The following DLC1 variants were observed in gnomAD, a reference collection of about 807,000 sequenced individuals.
The protein encoded by DLC1 is rho GTPase-activating protein 7.
DLC1 carries 54 observed loss-of-function variants against 140.3 expected under a neutral mutation model. That is an observed-to-expected ratio of 0.38 (90% CI 0.31 to 0.48). The LOEUF is 0.48. DLC1 is among the 20% of genes least tolerant of loss of function. DLC1 has a pLI of 0.96. For synonymous variants in DLC1, 986 were observed against 728.1 expected (o/e 1.35, Z -5.70); for missense variants, 2,536 against 1,907.0 (o/e 1.33, Z -6.14).
chr8:13,174,074 C>G (rs1825634413), intron 5 of DLC1, among the ~76,000 whole-genome samples: 1 of 152,002 alleles, frequency 6.6e-6, no homozygotes, highest in African/African-American at 2.4e-5. Context: ...CCACATGTAC[C>G]CAATGTTTAG....
rs143161954 is a variant in DLC1, at chr8:13,100,380, T to G, written c.1957A>C (p.Met653Leu). Reference protein sequence around the residue: ...PKELSSFSFSMKGHEKTAKSK... With the variant: ...PKELSSFSFSLKGHEKTAKSK... ...TTGGCAGTTTTTTCGTGGCCTTTCA[T>G]GCTGAAGCTGAAGCTGGACAGTTCC... is the stretch of plus-strand genomic sequence containing the variant. The change falls in exon 9 of 18, where the codon ATG (methionine) becomes CTG (leucine). Residue 653 changes from methionine to leucine, a missense_variant. Met to Leu is a conservative substitution (Grantham distance 15). Transcript: ENST00000276297. 1.9e-6 allele frequency: 3 copies of G among 1,614,092 alleles called. No homozygotes were observed. Among genetic ancestry groups the G allele is most frequent in the Non-Finnish European group, 2.5e-6 (3 of 1,180,046 alleles).
chr8:13,100,282 T>C lies in DLC1; in HGVS notation c.2055A>G (p.Lys685=). The C allele has an allele frequency of 6.2e-7, 1 of 1,614,138 alleles. No individual in the cohort carries two copies. The highest frequency in any genetic ancestry group is 8.5e-7 in the Non-Finnish European group (1 of 1,180,040). Reference sequence around the variant, plus strand: ...TGATCAACCCCAGCTTTGAGGGCGCTTTGTGCTTGCTGTGATGGGAGCTCT... The same window carrying C: ...TGATCAACCCCAGCTTTGAGGGCGCCTTGTGCTTGCTGTGATGGGAGCTCT... ...KLKSSHHSKH[K]APSKLGLIIS... is the part of the protein sequence containing the mutation. Residue 685 remains lysine (K), a synonymous_variant, in exon 9 of 18, where the codon AAA becomes AAG. Coordinates refer to ENST00000276297, the MANE Select transcript of DLC1 (RefSeq NM_182643.3).
At chr8:13,264,024 T>C (rs1390362936) in intron 5 of DLC1, among the ~76,000 whole-genome samples, 1 of 146,572 alleles carries the variant, frequency 6.8e-6, no homozygotes, top group Admixed American at 6.8e-5. Flanking sequence ...AGGGCATATT[T>C]GTATGACAGC....
At chr8:13,393,520 C>G (rs770381073) in intron 4 of DLC1, 33 bp downstream of exon 4, 6 of 1,599,548 alleles carry the variant, frequency 3.8e-6, no homozygotes, top group Non-Finnish European at 5.1e-6. Context: ...AACATTTACA[C>G]GTAGAGACTC....
intron 2 of DLC1, among the ~76,000 whole-genome samples, chr8:13,469,903 G>C (rs1190162758): frequency 6.6e-6 from 1 of 152,114 alleles, no homozygotes; most frequent in African/African-American, 2.4e-5. Flanking sequence ...TCTAGTTTCT[G>C]CCCTCCAGAA....
At chr8:13,173,716 T>A (rs1825614999) in intron 5 of DLC1, among the ~76,000 whole-genome samples, 1 of 152,200 alleles carries the variant, frequency 6.6e-6, no homozygotes, top group African/African-American at 2.4e-5. Context: ...TAAAGCTATT[T>A]AGTTGCTTGA....
chr8:13,363,753 C>G lies in DLC1; in HGVS notation c.1314+29800G>C, dbSNP rs185840874. Among the ~76,000 whole-genome samples the G allele has an allele frequency of 2.9e-3, 438 of 152,198 alleles. 3 individuals are homozygous for G. Among genetic ancestry groups the G allele is most frequent in the African/African-American group, 0.01 (422 of 41,534 alleles). On this transcript the variant is annotated intron_variant, in intron 4 of 17. Coordinates refer to ENST00000276297, the MANE Select transcript of DLC1 (RefSeq NM_182643.3). ...TTGTAGGTCCAGCAAAATCTAAGGT[C>G]GCCAAGCATGCTGAAACATTTCTCA... is the stretch of plus-strand genomic sequence containing the variant.
At chr8:13,356,606 G>A (rs541957306) in intron 4 of DLC1, among the ~76,000 whole-genome samples, 44 of 152,126 alleles carry the variant, frequency 2.9e-4, no homozygotes, top group African/African-American at 1.0e-3. Context: ...TTCTTAAATT[G>A]TATCATAATA....
intron 2 of DLC1, among the ~76,000 whole-genome samples, chr8:13,493,654 C>T (rs533509848): frequency 2.6e-5 from 4 of 152,266 alleles, no homozygotes; most frequent in African/African-American, 4.8e-5. Context: ...AATATAATTA[C>T]AATATATTCT....
intron 2 of DLC1, among the ~76,000 whole-genome samples, chr8:13,418,898 G>A (rs1420756326): frequency 6.6e-6 from 1 of 152,038 alleles, no homozygotes; most frequent in East Asian, 1.9e-4. Flanking sequence ...ATTGAGCAGT[G>A]GTTTGTAGTT....
intron 4 of DLC1, among the ~76,000 whole-genome samples, chr8:13,384,589 A>C (rs756313465): frequency 3.1e-5 from 4 of 128,356 alleles, no homozygotes; most frequent in Non-Finnish European, 5.5e-5. Context: ...ATTCTGACTT[A>C]CATCCACAGA....
chr8:13,219,468 G>C (rs1051815721), intron 5 of DLC1, among the ~76,000 whole-genome samples: 3 of 96,758 alleles, frequency 3.1e-5, no homozygotes, highest in Non-Finnish European at 6.6e-5. Flanking sequence ...GAATAGAATT[G>C]CTGGGTCATA....
chr8:13,556,271 C>T (rs1483756279), intron 1 of DLC1, among the ~76,000 whole-genome samples: 3 of 152,140 alleles, frequency 2.0e-5, no homozygotes, highest in Non-Finnish European at 4.4e-5. Flanking sequence ...CCAGCAGATG[C>T]CAATGTCCCT....
At chr8:13,453,429 T>C (rs1274720380) in intron 2 of DLC1, among the ~76,000 whole-genome samples, 1 of 35,016 alleles carries the variant, frequency 2.9e-5, no homozygotes, top group Non-Finnish European at 4.9e-5. Context: ...TATATGTGTA[T>C]ATATATATGT....
At chr8:13,489,642 G>C (rs1257693769) in intron 2 of DLC1, among the ~76,000 whole-genome samples, 1 of 152,040 alleles carries the variant, frequency 6.6e-6, no homozygotes, top group African/African-American at 2.4e-5. Flanking sequence ...AAAGATACGT[G>C]TGAGGGAAGC....
chr8:13,234,639 C>CT (rs752662908), intron 5 of DLC1, among the ~76,000 whole-genome samples: 12 of 152,112 alleles, frequency 7.9e-5, no homozygotes, highest in African/African-American at 1.2e-4. Flanking sequence ...TTTACTGGTT[C>CT]TTTTTTTAAA....
chr8:13,212,095 G>A (rs1313905213), intron 5 of DLC1, among the ~76,000 whole-genome samples: 1 of 152,152 alleles, frequency 6.6e-6, no homozygotes, highest in African/African-American at 2.4e-5. Context: ...AACAAGTTAT[G>A]TTATAAATAT....
intron 2 of DLC1, among the ~76,000 whole-genome samples, chr8:13,431,946 C>A (rs1264774255): frequency 2.0e-5 from 3 of 152,148 alleles, no homozygotes; most frequent in African/African-American, 7.2e-5. Flanking sequence ...TATTTTTCTA[C>A]CAGATCTTAG....
chr8:13,590,313 T>G (rs1286957882), intron 1 of DLC1, among the ~76,000 whole-genome samples: 1 of 152,030 alleles, frequency 6.6e-6, no homozygotes, highest in East Asian at 1.9e-4. Context: ...AGTTTTTTTT[T>G]GCAGCTATTG....
Sources: gnomAD v4.1 joint callset for allele counts (sites outside exome capture counted in the v4.1 genomes callset) on GRCh38, gnomAD v4.1.1 for gene constraint, MANE v1.5 for transcripts, NCBI Gene and HGNC (gene_info 2026-07-23, HGNC 2026-07-21) for gene names.